The following NOD1 variants were observed in gnomAD, a reference collection of about 807,000 sequenced individuals.
NOD1 encodes nucleotide-binding oligomerization domain-containing protein 1.
NOD1 carries 70 observed loss-of-function variants against 81.2 expected under a neutral mutation model. That is an observed-to-expected ratio of 0.86 (90% CI 0.71 to 1.05). The LOEUF (loss-of-function observed/expected upper bound fraction) is 1.05. NOD1 is among the 50% of genes least tolerant of loss of function. The pLI, the probability that NOD1 is intolerant of heterozygous loss-of-function variation, is 0.00. For synonymous variants in NOD1, 508 were observed against 526.9 expected (o/e 0.96, Z 0.49); for missense variants, 1,233 against 1,228.0 (o/e 1.00, Z -0.06).
chr7:30,437,539 G>A, intron 10 of NOD1, 34 bp downstream of exon 10: 1 of 1,400,424 alleles, frequency 7.1e-7, no homozygotes, highest in South Asian at 1.6e-5. Context: ...GGAGGGACCA[G>A]GTTGGCCCCT....
Position 30,452,692 on chromosome 7 carries a change from A to C in NOD1, c.725T>G (p.Phe242Cys). The change falls in exon 6 of 14, where the codon TTC becomes TGC. Residue 242 changes from phenylalanine (F) to cysteine (C), a missense_variant. Transcript: ENST00000222823. ...FHFRCRMFSC[F>C]KESDRLCLQD... ...CAGACACAGCCTGTCACTTTCCTTG[A>C]AGCAGCTGAACATGCGGCAGCGAAA... 6.2e-7 allele frequency: 1 copy of C among 1,613,916 alleles called. No individual in the cohort carries two copies. The highest frequency in any genetic ancestry group is 2.2e-5 in the East Asian group (1 of 44,886).
chr7:30,426,799 C>T (rs1783495676), intron 13 of NOD1, among the ~76,000 whole-genome samples: 1 of 152,130 alleles, frequency 6.6e-6, no homozygotes, highest in Non-Finnish European at 1.5e-5. Flanking sequence ...ACCACACTCC[C>T]TCCTGCCCCA....
chr7:30,452,468 G>A lies in NOD1; in HGVS notation c.949C>T (p.Leu317=), dbSNP rs1785853103. 1 of 1,613,316 alleles carries A rather than the reference G, an allele frequency of 6.2e-7. No individual in the cohort carries two copies. Among genetic ancestry groups the A allele is most frequent in the Non-Finnish European group, 8.5e-7 (1 of 1,179,954 alleles). Residue 317 remains leucine (L), a synonymous_variant, in exon 6 of 14, where the codon CTG becomes TTG. Coordinates refer to ENST00000222823, the MANE Select transcript of NOD1 (RefSeq NM_006092.4). ...CCCTTGAGCAGCTTCCCACTGAGCA[G>A]GTTGGCCAGCAAGACCAGGGGGTGG... ...PAHPLVLLAN[L]LSGKLLKGAS... is the part of the protein sequence containing the mutation.
At chr7:30,439,392 TGTGCGCGCACC>T (rs972127469) in intron 9 of NOD1, among the ~76,000 whole-genome samples, 1 of 134,684 alleles carries the variant, frequency 7.4e-6, no homozygotes, top group South Asian at 2.4e-4. Context: ...CAGGCCAGTG[TGTGCGCGCACC>T]GTGCGCGAGC....
rs1358561116 is a variant in NOD1, at chr7:30,436,042, G to C, written c.2577C>G (p.Ser859Arg). 1.9e-6 allele frequency: 3 copies of C among 1,614,142 alleles called. No individual in the cohort carries two copies. The highest frequency in any genetic ancestry group is 1.7e-6 in the Non-Finnish European group (2 of 1,179,956). Residue 859 changes from serine to arginine, a missense_variant, in exon 11 of 14, where the codon AGC becomes AGG. Ser to Arg is a moderately radical substitution (Grantham distance 110). Coordinates refer to ENST00000222823, the MANE Select transcript of NOD1 (RefSeq NM_006092.4). ...TGTTCTGCTGCAGGGCCCTCGCAAG[G>C]CTCTTTCCTCCTTCTGTGGAGATGC... ...SNGISTEGGK[S>R]LARALQQNTS...
chr7:30,458,510 A>C (rs1029293568), intron 3 of NOD1, among the ~76,000 whole-genome samples: 1 of 152,328 alleles, frequency 6.6e-6, no homozygotes, highest in Admixed American at 6.5e-5. Flanking sequence ...CAAGTGGCAC[A>C]TGAGTCTCCT....
chr7:30,425,488 C>G lies in NOD1; in HGVS notation c.*150G>C, dbSNP rs1783366263. The G allele has an allele frequency of 1.5e-6, 1 of 657,746 alleles. No homozygotes were observed. Among genetic ancestry groups the G allele is most frequent in the African/African-American group, 1.8e-5 (1 of 54,944 alleles). 40.7% of individuals were successfully genotyped at this position (657,746 alleles called of 1,614,324 possible). ...GAGTTTGCCGACCAGACCTTCTGCA[C>G]AGGAAGCTGGCTTGCATCATGGAGG... On this transcript the variant is annotated 3_prime_UTR_variant, in exon 14 of 14. Transcript: ENST00000222823.
At chr7:30,429,625 G>C (rs1408651762) in intron 12 of NOD1, among the ~76,000 whole-genome samples, 168 bp from the exon 13 acceptor site, 2 of 152,240 alleles carry the variant, frequency 1.3e-5, no homozygotes, top group African/African-American at 4.8e-5. Context: ...AGATCCACTA[G>C]AGTAAAGGAT....
chr7:30,436,471 T>C (rs1005941378), intron 10 of NOD1, among the ~76,000 whole-genome samples: 3 of 152,226 alleles, frequency 2.0e-5, no homozygotes, highest in South Asian at 2.1e-4. Flanking sequence ...GTCCCCACCT[T>C]CTTGGACTCT....
chr7:30,456,589 T>C, intron 4 of NOD1, 132 bp downstream of exon 4: 5 of 719,512 alleles, frequency 6.9e-6, no homozygotes, highest in Non-Finnish European at 1.2e-5. Context: ...ATTTGTGTGC[T>C]ATTAGTACCC....
rs571580418 is a variant in NOD1, at chr7:30,476,899, G to A, written c.-352+1707C>T. ...ATAGACATTCTCCCTCATAGTGGCT[G>A]TACTAAGTAAACAATTAACGGGCAC... On this transcript the variant is annotated intron_variant, in intron 1 of 13. Transcript: ENST00000222823. 1.6e-4 allele frequency among the ~76,000 whole-genome samples: 24 copies of A among 152,332 alleles called. No homozygotes were observed. In the East Asian group the frequency reaches 4.6e-3, roughly 29 times the overall value.
At chr7:30,437,914 G>A (rs907596703) in intron 9 of NOD1, among the ~76,000 whole-genome samples, 1 of 152,234 alleles carries the variant, frequency 6.6e-6, no homozygotes, top group Non-Finnish European at 1.5e-5. Flanking sequence ...AAGTGGCACA[G>A]TTAGAGACCG....
intron 12 of NOD1, among the ~76,000 whole-genome samples, chr7:30,430,247 A>T (rs1287016528): frequency 6.6e-6 from 1 of 152,202 alleles, no homozygotes; most frequent in African/African-American, 2.4e-5. Flanking sequence ...AAGCTTTAAT[A>T]ATGGGGACTC....
At chr7:30,429,517 G>C (rs1053368201) in intron 12 of NOD1, 60 bp from the exon 13 acceptor site, 10 of 1,446,278 alleles carry the variant, frequency 6.9e-6, no homozygotes, top group Non-Finnish European at 8.7e-6. Context: ...TGACCCCTTC[G>C]TAAGGGAGTT....
chr7:30,454,433 C>A (rs948812692), intron 5 of NOD1, among the ~76,000 whole-genome samples: 2 of 152,234 alleles, frequency 1.3e-5, no homozygotes, highest in Admixed American at 6.5e-5. Context: ...AGGGCAGGAA[C>A]CCTGTCTGTG....
intron 13 of NOD1, among the ~76,000 whole-genome samples, chr7:30,427,460 C>A (rs930702069): frequency 6.6e-6 from 1 of 152,210 alleles, no homozygotes; most frequent in Admixed American, 6.5e-5. Flanking sequence ...CAACCACAAC[C>A]CTGTGGCCTG....
At chr7:30,472,119 T>C (rs1788336804) in intron 1 of NOD1, among the ~76,000 whole-genome samples, 1 of 152,246 alleles carries the variant, frequency 6.6e-6, no homozygotes, top group Non-Finnish European at 1.5e-5. Flanking sequence ...TTCTTGTATA[T>C]TATGAATGAC....
intron 9 of NOD1, among the ~76,000 whole-genome samples, chr7:30,441,174 G>T (rs1340516758): frequency 1.4e-5 from 1 of 71,638 alleles, no homozygotes; most frequent in Non-Finnish European, 2.7e-5. Flanking sequence ...AAAGACCATC[G>T]AGACTAGGAA....
intron 1 of NOD1, chr7:30,460,292 A>G (rs1191972936): frequency 1.1e-5 from 11 of 985,326 alleles, no homozygotes; most frequent in African/African-American, 1.7e-5. Context: ...ACTTATTACC[A>G]GAAACACCAG....
Sources: allele counts gnomAD v4.1 joint callset (sites outside exome capture counted in the v4.1 genomes callset), GRCh38; gene constraint gnomAD v4.1.1; transcripts MANE v1.5; gene names NCBI Gene and HGNC (gene_info 2026-07-23, HGNC 2026-07-21).